Variants in ENTREP2 observed in about 807,000 individuals in gnomAD.
ENTREP2 encodes protein ENTREP2.
chr15:29,561,030 A>C, the ENTREP2 span, among the ~76,000 whole-genome samples: 1 of 2,200 alleles, frequency 4.5e-4, no homozygotes, highest in East Asian at 0.071. Context: ...GGGAAATGCA[A>C]GTCTAAACCA....
At chr15:29,587,677 T>C in the ENTREP2 span, among the ~76,000 whole-genome samples, 89 of 152,260 alleles carry the variant, frequency 5.8e-4, no homozygotes, top group African/African-American at 2.0e-3. Context: ...TTTTATTTTT[T>C]GAGAGACAGT....
At chr15:29,546,792 C>G in the ENTREP2 span, among the ~76,000 whole-genome samples, 1 of 149,432 alleles carries the variant, frequency 6.7e-6, no homozygotes, top group Non-Finnish European at 1.5e-5. Flanking sequence ...GAGGCTGAGG[C>G]AGAAGAATGG....
chr15:29,172,563 G>A, the ENTREP2 span, among the ~76,000 whole-genome samples: 10 of 152,066 alleles, frequency 6.6e-5, no homozygotes, highest in Admixed American at 6.5e-4. Flanking sequence ...GTAGAGCCCG[G>A]GGTGATGAGA....
the ENTREP2 span, among the ~76,000 whole-genome samples, chr15:29,162,563 A>G: frequency 1.3e-5 from 2 of 152,176 alleles, no homozygotes; most frequent in East Asian, 3.9e-4. Context: ...GAAAACCTGC[A>G]TGACTCAGCA....
At chr15:29,351,898 C>CA in the ENTREP2 span, among the ~76,000 whole-genome samples, 2 of 152,078 alleles carry the variant, frequency 1.3e-5, no homozygotes, top group South Asian at 4.1e-4. Context: ...CTCCACCTCC[C>CA]AAAGCACTGG....
At chr15:29,501,104 T>C in the ENTREP2 span, among the ~76,000 whole-genome samples, 1 of 152,064 alleles carries the variant, frequency 6.6e-6, no homozygotes, top group African/African-American at 2.4e-5. Context: ...GATGGTTTCA[T>C]TGGGGTATTC....
the ENTREP2 span, among the ~76,000 whole-genome samples, chr15:29,135,945 C>T: frequency 6.6e-6 from 1 of 151,956 alleles, no homozygotes; most frequent in African/African-American, 2.4e-5. The surrounding 1 kb of genome is among the most constrained non-coding windows in gnomAD (Gnocchi z 7.4). Flanking sequence ...CCTGGGGGCT[C>T]TCCCCTTGGG....
At chr15:29,620,696 C>T in the ENTREP2 span, among the ~76,000 whole-genome samples, 1 of 152,016 alleles carries the variant, frequency 6.6e-6, no homozygotes, top group Non-Finnish European at 1.5e-5. Flanking sequence ...TCCACACTGA[C>T]TGATGAGGCC....
the ENTREP2 span, among the ~76,000 whole-genome samples, chr15:29,230,619 G>A: frequency 6.6e-5 from 10 of 151,964 alleles, no homozygotes; most frequent in Admixed American, 2.6e-4. Flanking sequence ...ATAATATCTC[G>A]GTAAGTTTAA....
the ENTREP2 span, among the ~76,000 whole-genome samples, chr15:29,263,999 C>CA: frequency 6.6e-6 from 1 of 151,688 alleles, no homozygotes; most frequent in Non-Finnish European, 1.5e-5. Context: ...ACTAAAAACA[C>CA]AAAAAATTAG....
the ENTREP2 span, among the ~76,000 whole-genome samples, chr15:29,344,928 G>GCACACACACACACACACACACACACA: frequency 8.8e-6 from 1 of 114,014 alleles, no homozygotes; most frequent in African/African-American, 4.3e-5. Context: ...ACGCACGCGC[G>GCACACACACACACACACACACACACA]CAGACACACA....
chr15:29,639,264 T>C, the ENTREP2 span, among the ~76,000 whole-genome samples: 6 of 152,156 alleles, frequency 3.9e-5, no homozygotes, highest in Non-Finnish European at 8.8e-5. Context: ...AGAAAAAAAC[T>C]GGCCGAGTCT....
At chr15:29,234,730 T>C in the ENTREP2 span, 4 of 1,516,974 alleles carry the variant, frequency 2.6e-6, no homozygotes, top group East Asian at 6.8e-5. Flanking sequence ...GGCAAGTAAA[T>C]TGGCATTGTC....
the ENTREP2 span, among the ~76,000 whole-genome samples, chr15:29,583,913 G>T: frequency 1.3e-5 from 2 of 152,040 alleles, no homozygotes; most frequent in Non-Finnish European, 2.9e-5. Flanking sequence ...CCTAATGTAA[G>T]AACTAAAACT....
the ENTREP2 span, among the ~76,000 whole-genome samples, chr15:29,441,278 A>T: frequency 2.6e-5 from 4 of 152,304 alleles, no homozygotes; most frequent in Admixed American, 6.5e-5. Context: ...AGAGACAGGA[A>T]GTAGAGTGGT....
chr15:29,397,993 C>T, the ENTREP2 span, among the ~76,000 whole-genome samples: 1 of 151,586 alleles, frequency 6.6e-6, no homozygotes, highest in African/African-American at 2.4e-5. Context: ...TTGTTGGACT[C>T]TTTCAGATAT....
At chr15:29,455,760 C>A in the ENTREP2 span, among the ~76,000 whole-genome samples, 3 of 152,316 alleles carry the variant, frequency 2.0e-5, no homozygotes, top group African/African-American at 4.8e-5. Flanking sequence ...TCTGTATTTA[C>A]AGCTGCTCCC....
At chr15:29,384,913 G>A in the ENTREP2 span, among the ~76,000 whole-genome samples, 2 of 152,192 alleles carry the variant, frequency 1.3e-5, no homozygotes, top group Non-Finnish European at 2.9e-5. Context: ...GCCTCACGCA[G>A]ACTAAGCCTG....
At chr15:29,561,716 A>G in the ENTREP2 span, among the ~76,000 whole-genome samples, 1 of 110,690 alleles carries the variant, frequency 9.0e-6, no homozygotes, top group Non-Finnish European at 2.1e-5. Flanking sequence ...ATAATAAAAT[A>G]AATAAATAAA....
Sources: allele counts gnomAD v4.1 joint callset (sites outside exome capture counted in the v4.1 genomes callset), GRCh38; gene constraint gnomAD v4.1.1; non-coding constraint Gnocchi (gnomAD v3.1); transcripts MANE v1.5; gene names NCBI Gene and HGNC (gene_info 2026-07-23, HGNC 2026-07-21).